The following TXN2 variants were observed in gnomAD, a reference collection of about 807,000 sequenced individuals.
TXN2 encodes thioredoxin 2.
Under a neutral mutation model 14.6 loss-of-function variants are expected in TXN2, and 12 were observed. The ratio of observed to expected loss-of-function variants is 0.82; its 90% CI spans 0.53 to 1.33. The LOEUF (loss-of-function observed/expected upper bound fraction) is 1.33. Ranked by LOEUF, TXN2 falls within the 40% of genes most tolerant of loss-of-function variation. TXN2 has a pLI of 0.00. For missense variants in TXN2, 173 were observed against 207.7 expected (o/e 0.83, Z 1.03); for synonymous variants, 89 against 81.0 (o/e 1.10, Z -0.53).
At chr22:36,470,203 G>A (rs980438233) in intron 3 of TXN2, among the ~76,000 whole-genome samples, 3 of 152,138 alleles carry the variant, frequency 2.0e-5, no homozygotes, top group Admixed American at 6.6e-5. Context: ...CTAACTTTAC[G>A]TGGCAGGCCC....
At chr22:36,476,483 T>G (rs952331806) in intron 3 of TXN2, among the ~76,000 whole-genome samples, 1 of 152,030 alleles carries the variant, frequency 6.6e-6, no homozygotes, top group African/African-American at 2.4e-5. Flanking sequence ...TCCCAGCTAC[T>G]TGGGAGGCTG....
At chr22:36,480,871 A>C in intron 1 of TXN2, 34 bp from the exon 2 acceptor site, 1 of 1,521,270 alleles carries the variant, frequency 6.6e-7, no homozygotes, top group Non-Finnish European at 8.8e-7. Context: ...ACTGGGGCAC[A>C]CAAAAGGAAG....
chr22:36,469,409 ACT>A (rs10534662), intron 3 of TXN2, among the ~76,000 whole-genome samples: 53,828 of 151,998 alleles, frequency 0.35, 12,147 homozygotes, highest in Admixed American at 0.54. Flanking sequence ...GGGTCCAGAA[ACT>A]CAGGGACTTC....
At chr22:36,477,840 G>A (rs1376268389) in intron 2 of TXN2, among the ~76,000 whole-genome samples, 1 of 152,102 alleles carries the variant, frequency 6.6e-6, no homozygotes, top group Non-Finnish European at 1.5e-5. Flanking sequence ...AAGCTGTGTT[G>A]AAAGTGTTTT....
chr22:36,472,578 A>T (rs1055965762), intron 3 of TXN2, among the ~76,000 whole-genome samples: 2 of 152,124 alleles, frequency 1.3e-5, no homozygotes, highest in African/African-American at 4.8e-5. Context: ...CCTTCCTCTC[A>T]ATTTTGCCAC....
chr22:36,469,063 T>C (rs1933218521), intron 3 of TXN2, among the ~76,000 whole-genome samples: 1 of 138,008 alleles, frequency 7.2e-6, no homozygotes, highest in Non-Finnish European at 1.5e-5. Context: ...AATAAATAAA[T>C]AAATAAATAC....
Position 36,480,618 on chromosome 22 carries a change from C to G in TXN2, c.220G>C (p.Val74Leu). The change falls in exon 2 of 4, where the codon GTG becomes CTG. Residue 74 changes from valine (V) to leucine (L), a missense_variant. Coordinates refer to ENST00000216185, the MANE Select transcript of TXN2 (RefSeq NM_012473.4). ...ACCACTGGTGTCTCACTGTTGACCACTCGGTCTTGAAAGTCAGGTCCATCC... is the reference window on the plus strand; with the variant it reads ...ACCACTGGTGTCTCACTGTTGACCAGTCGGTCTTGAAAGTCAGGTCCATCC... Reference protein sequence around the residue: ...IQDGPDFQDRVVNSETPVVVD... With the variant: ...IQDGPDFQDRLVNSETPVVVD... 1.9e-6 allele frequency: 3 copies of G among 1,614,116 alleles called. No homozygotes were observed. Among genetic ancestry groups the G allele is most frequent in the Non-Finnish European group, 2.5e-6 (3 of 1,180,030 alleles).
intron 2 of TXN2, among the ~76,000 whole-genome samples, chr22:36,477,278 G>A (rs977940729): frequency 6.6e-6 from 1 of 152,120 alleles, no homozygotes; most frequent in Non-Finnish European, 1.5e-5. Context: ...CGCGATCTCG[G>A]CTCACTGCAA....
At chr22:36,481,019 C>A (rs934850899) in intron 1 of TXN2, 182 bp from the exon 2 acceptor site, 29 of 597,944 alleles carry the variant, frequency 4.8e-5, no homozygotes, top group Admixed American at 1.5e-4. Flanking sequence ...GAAGGAACAG[C>A]TAGGCAAACC....
intron 2 of TXN2, among the ~76,000 whole-genome samples, chr22:36,479,344 T>C (rs902903940): frequency 6.6e-6 from 1 of 151,540 alleles, no homozygotes; most frequent in Admixed American, 6.6e-5. Context: ...CTTTTTTTTT[T>C]TTTTTGAGAT....
chr22:36,471,763 A>G (rs1200482192), intron 3 of TXN2, among the ~76,000 whole-genome samples: 31 of 152,140 alleles, frequency 2.0e-4, no homozygotes, highest in Admixed American at 1.7e-3. Flanking sequence ...GAGGTCAGGA[A>G]TTCGAGACAA....
At chr22:36,478,942 ACT>A (rs960993906) in intron 2 of TXN2, among the ~76,000 whole-genome samples, 19 of 151,574 alleles carry the variant, frequency 1.3e-4, no homozygotes, top group African/African-American at 4.4e-4. Context: ...ACAGAATGAG[ACT>A]CTGTCTCAAA....
intron 2 of TXN2, among the ~76,000 whole-genome samples, chr22:36,480,355 G>C (rs563323664): frequency 2.0e-5 from 3 of 152,372 alleles, no homozygotes; most frequent in Non-Finnish European, 4.4e-5. Context: ...TTGAGAAACA[G>C]AACATGTGTT....
intron 2 of TXN2, among the ~76,000 whole-genome samples, chr22:36,479,398 C>G (rs898752692): frequency 2.0e-5 from 3 of 149,982 alleles, no homozygotes; most frequent in African/African-American, 7.4e-5. Flanking sequence ...ATGGCGCGAT[C>G]TCAGCTCACT....
At chr22:36,474,856 TCTCCC>T (rs1256053352) in intron 3 of TXN2, among the ~76,000 whole-genome samples, 1 of 152,078 alleles carries the variant, frequency 6.6e-6, no homozygotes. Context: ...AAAGTGGGCC[TCTCCC>T]CTTTCTCCAG....
intron 2 of TXN2, among the ~76,000 whole-genome samples, chr22:36,477,670 C>T (rs1933413804): frequency 6.6e-6 from 1 of 152,264 alleles, no homozygotes; most frequent in South Asian, 2.1e-4. Context: ...TGGCCTGGAG[C>T]GTCTACAACG....
chr22:36,469,648 G>A (rs1933232402), intron 3 of TXN2, among the ~76,000 whole-genome samples: 1 of 152,176 alleles, frequency 6.6e-6, no homozygotes, highest in Non-Finnish European at 1.5e-5. Context: ...GGGCATTTGA[G>A]AAAACCATTT....
chr22:36,468,393 G>A (rs1933203707), intron 3 of TXN2, among the ~76,000 whole-genome samples: 1 of 152,198 alleles, frequency 6.6e-6, no homozygotes, highest in Non-Finnish European at 1.5e-5. Flanking sequence ...TAAAATGGGG[G>A]TAATGTCTAC....
At chr22:36,472,845 A>G (rs1482129725) in intron 3 of TXN2, among the ~76,000 whole-genome samples, 1 of 152,040 alleles carries the variant, frequency 6.6e-6, no homozygotes, top group African/African-American at 2.4e-5. Flanking sequence ...ACGGCCTTCC[A>G]AAGAGCAGTT....
Sources: gnomAD v4.1 joint callset for allele counts (sites outside exome capture counted in the v4.1 genomes callset) on GRCh38, gnomAD v4.1.1 for gene constraint, MANE v1.5 for transcripts, NCBI Gene and HGNC (gene_info 2026-07-23, HGNC 2026-07-21) for gene names.